The following CHD7 variants were observed in gnomAD, a reference collection of about 807,000 sequenced individuals.
CHD7 encodes ATP-dependent chromatin remodeler CHD7.
CHD7 carries 24 observed loss-of-function variants against 307.3 expected under a neutral mutation model. That is an observed-to-expected ratio of 0.08 (90% CI 0.06 to 0.11). CHD7 has a LOEUF of 0.11. Among genes scored for constraint, CHD7 ranks in the 10% least tolerant of loss-of-function variants. CHD7 has a pLI of 1.00. For missense variants in CHD7, 3,106 were observed against 3,727.1 expected, an observed-to-expected ratio of 0.83 and a Z score of 4.34; for synonymous variants, 1,363 against 1,349.9, an observed-to-expected ratio of 1.01 and a Z score of -0.21.
intron 2 of CHD7, 135 bp from the exon 3 acceptor site, chr8:60,780,865 A>G (rs1285288663): frequency 8.8e-7 from 1 of 1,140,204 alleles, no homozygotes; most frequent in African/African-American, 1.6e-5. Context: ...GATAGATTCT[A>G]CAACTGTATA....
At chr8:60,730,659 GAC>G (rs1268353928) in intron 1 of CHD7, among the ~76,000 whole-genome samples, 1 of 152,202 alleles carries the variant, frequency 6.6e-6, no homozygotes, top group Non-Finnish European at 1.5e-5. Flanking sequence ...AGGAGATCAA[GAC>G]CATCCTGGCT....
chr8:60,781,255 A>G lies in CHD7; in HGVS notation c.1921A>G (p.Lys641Glu), dbSNP rs1335682527. 5.7e-6 allele frequency: 9 copies of G among 1,566,296 alleles called. No individual in the cohort carries two copies. Among genetic ancestry groups the G allele is most frequent in the East Asian group, 2.4e-5 (1 of 42,260 alleles). ...RNSLDGSQEE[K>E]KKKKRSKAKK... ...CTCACTGGATGGGTCCCAAGAAGAAAAAAAGAAAAAGAAAAGGTCAAAGGC... is the reference window on the plus strand; with the variant it reads ...CTCACTGGATGGGTCCCAAGAAGAAGAAAAGAAAAAGAAAAGGTCAAAGGC... The change falls in exon 3 of 38, where the codon AAA becomes GAA. Residue 641 changes from lysine (K) to glutamate (E), a missense_variant. By Grantham distance (56) the Lys-to-Glu change is moderately conservative. Around this residue, in one of 10 missense-constraint regions of CHD7, gnomAD observed 998 missense variants for 1,004.5 expected, o/e 0.99. Transcript: ENST00000423902.
At chr8:60,846,888 A>G (rs1387318560) in intron 23 of CHD7, among the ~76,000 whole-genome samples, 1 of 152,182 alleles carries the variant, frequency 6.6e-6, no homozygotes, top group East Asian at 1.9e-4. Flanking sequence ...TCAGCTTGGA[A>G]GTCTTCCCTG....
rs1380015897 is a variant in CHD7, at chr8:60,742,190, T to G, written c.758T>G (p.Val253Gly). 2 of 1,613,774 alleles carry G rather than the reference T, an allele frequency of 1.2e-6. No homozygotes were observed. The highest frequency in any genetic ancestry group is 2.7e-5 in the African/African-American group (2 of 74,876). ...PSMAPSLRHS[V>G]QQFHHHPSTA... is the part of the protein sequence containing the mutation. Reference sequence around the variant, plus strand: ...ATGGCACCTTCCTTGCGTCACTCGGTGCAGCAGTTCCATCACCACCCCTCT... The same window carrying G: ...ATGGCACCTTCCTTGCGTCACTCGGGGCAGCAGTTCCATCACCACCCCTCT... The change falls in exon 2 of 38, where the codon GTG becomes GGG. Residue 253 changes from valine to glycine, a missense_variant. By Grantham distance (109) the Val-to-Gly change is moderately radical. Around this residue, in one of 10 missense-constraint regions of CHD7, gnomAD observed 998 missense variants for 1,004.5 expected, o/e 0.99. Transcript: ENST00000423902.
intron 32 of CHD7, 49 bp downstream of exon 32, chr8:60,854,572 G>A (rs777039219): frequency 4.8e-6 from 7 of 1,469,936 alleles, no homozygotes; most frequent in Admixed American, 2.2e-5. Flanking sequence ...AAGGATTAGG[G>A]TAGAGGAAAT....
chr8:60,712,649 G>T (rs1807338380), intron 1 of CHD7, among the ~76,000 whole-genome samples: 1 of 152,200 alleles, frequency 6.6e-6, no homozygotes, highest in African/African-American at 2.4e-5. Context: ...GGGTGCAGTG[G>T]CTCATGCCTG....
chr8:60,851,583 A>G (rs2150806744), intron 28 of CHD7, among the ~76,000 whole-genome samples: 1 of 152,252 alleles, frequency 6.6e-6, no homozygotes, highest in East Asian at 1.9e-4. Flanking sequence ...AAGCATCTAA[A>G]CTATAGCTCT....
rs758166901 is a variant in CHD7, at chr8:60,823,966, C to T, written c.3328C>T (p.Leu1110=). ...RCVVIDEAHR[L]KNRNCKLLEG... is the part of the protein sequence containing the mutation. Reference sequence around the variant, plus strand: ...TGTAGTCATTGATGAAGCCCACAGGCTGAAGAACAGGAACTGCAAGCTGTT... The same window carrying T: ...TGTAGTCATTGATGAAGCCCACAGGTTGAAGAACAGGAACTGCAAGCTGTT... The change falls in exon 13 of 38, where the codon CTG becomes TTG. Residue 1110 remains leucine (L), a synonymous_variant. Coordinates refer to ENST00000423902, the MANE Select transcript of CHD7 (RefSeq NM_017780.4). 1.2e-6 allele frequency: 2 copies of T among 1,613,830 alleles called. No homozygotes were observed. The highest frequency in any genetic ancestry group is 3.3e-5 in the Admixed American group (2 of 60,010).
At chr8:60,795,239 G>A (rs1219810484) in intron 4 of CHD7, 112 bp downstream of exon 4, 2 of 1,029,980 alleles carry the variant, frequency 1.9e-6, no homozygotes, top group South Asian at 1.8e-5. Flanking sequence ...CTCTTGAGAT[G>A]TCTTTATTGT....
intron 37 of CHD7, chr8:60,864,315 T>G (rs1806144348): frequency 6.6e-6 from 1 of 152,132 alleles, no homozygotes; most frequent in Non-Finnish European, 1.5e-5. Context: ...AGATAGGGTC[T>G]TGCTATGTGC....
intron 1 of CHD7, among the ~76,000 whole-genome samples, chr8:60,717,281 A>G (rs995723350): frequency 1.3e-5 from 2 of 152,210 alleles, no homozygotes; most frequent in Non-Finnish European, 2.9e-5. Context: ...GGTGTTTTCC[A>G]TTTAGTTATA....
intron 19 of CHD7, among the ~76,000 whole-genome samples, chr8:60,840,360 CT>C (rs764306311): frequency 1.1e-4 from 17 of 152,200 alleles, no homozygotes; most frequent in African/African-American, 2.2e-4. Flanking sequence ...CTTATCACCC[CT>C]GTCTCTCCTC....
chr8:60,811,609 C>G (rs1812811082), intron 7 of CHD7, among the ~76,000 whole-genome samples: 1 of 152,112 alleles, frequency 6.6e-6, no homozygotes, highest in African/African-American at 2.4e-5. Context: ...CTGATGTTTT[C>G]CAATTACGGA....
At position 60,856,780 on chromosome 8, in the gene CHD7, C is replaced by A. The variant is rs1805737556; in HGVS notation, c.7500C>A (p.Gly2500=). 1 of 1,613,294 alleles carries A rather than the reference C, an allele frequency of 6.2e-7. No homozygotes were observed. The highest frequency in any genetic ancestry group is 2.2e-5 in the East Asian group (1 of 44,872). Residue 2500 remains glycine (G), a synonymous_variant, in exon 34 of 38, where the codon GGC becomes GGA. Coordinates refer to ENST00000423902, the MANE Select transcript of CHD7 (RefSeq NM_017780.4). ...SRTPTRHLLN[G]SLVDGEPPMK... ...CACCCACAAGGCATCTCCTTAATGG[C>A]TCCCTAGTGGATGGAGAGCCTCCCA...
intron 2 of CHD7, among the ~76,000 whole-genome samples, chr8:60,747,827 T>C (rs1437849899): frequency 6.6e-6 from 1 of 152,196 alleles, no homozygotes; most frequent in Non-Finnish European, 1.5e-5. Context: ...AGGACTTCAT[T>C]TCATTATCTC....
At chr8:60,679,316 C>T (rs1805441944) in intron 1 of CHD7, among the ~76,000 whole-genome samples, 1 of 146,830 alleles carries the variant, frequency 6.8e-6, no homozygotes, top group Admixed American at 6.7e-5. Context: ...AACCCGCGCC[C>T]CGAGCGCCGC....
chr8:60,845,047 C>T lies in CHD7; in HGVS notation c.5034C>T (p.Ala1678=). 1 of 1,613,948 alleles carries T rather than the reference C, an allele frequency of 6.2e-7. No individual in the cohort carries two copies. Among genetic ancestry groups the T allele is most frequent in the Non-Finnish European group, 8.5e-7 (1 of 1,179,862 alleles). ...CCACAGCGGATGGCCAGACTCGAGC[C>T]TTGGTCAACCATTCCGGTAGGTCTC... The part of the protein sequence containing the change: ...ITPTADGQTR[A]LVNHSGLSAP... The change falls in exon 22 of 38, where the codon GCC becomes GCT. Residue 1678 remains alanine (A), a synonymous_variant. Transcript: ENST00000423902.
At chr8:60,680,835 C>T (rs1469205298) in intron 1 of CHD7, among the ~76,000 whole-genome samples, 1 of 152,166 alleles carries the variant, frequency 6.6e-6, no homozygotes, top group Non-Finnish European at 1.5e-5. Flanking sequence ...TTTAGTTTCC[C>T]ATTGTATATT....
intron 1 of CHD7, among the ~76,000 whole-genome samples, chr8:60,707,544 A>G (rs1232773728): frequency 6.6e-6 from 1 of 152,256 alleles, no homozygotes; most frequent in Non-Finnish European, 1.5e-5. Flanking sequence ...CCCTTGTATA[A>G]GAACCTACTT....
Sources: gnomAD v4.1 joint callset for allele counts (sites outside exome capture counted in the v4.1 genomes callset) on GRCh38, gnomAD v4.1.1 for gene constraint, gnomAD v4.1.1 regional missense constraint, MANE v1.5 for transcripts, NCBI Gene and HGNC (gene_info 2026-07-23, HGNC 2026-07-21) for gene names.